The following VAV2 variants were observed in gnomAD, a reference collection of about 807,000 sequenced individuals.
The protein encoded by VAV2 is guanine nucleotide exchange factor VAV2.
VAV2 carries 67 observed loss-of-function variants against 132.5 expected under a neutral mutation model. The ratio of observed to expected loss-of-function variants is 0.51; its 90% confidence interval spans 0.42 to 0.62. The LOEUF is 0.62. Ranked by LOEUF, VAV2 falls within the 20% of genes least tolerant of loss-of-function variation. The pLI, the probability that VAV2 is intolerant of heterozygous loss-of-function variation, is 0.00. For synonymous variants in VAV2, 492 were observed against 443.5 expected (o/e 1.11, Z -1.37); for missense variants, 938 against 1,153.6 (o/e 0.81, Z 2.71).
Position 133,785,796 on chromosome 9 carries a change from C to T in VAV2, c.1512G>A (p.Met504Ile), listed in dbSNP as rs768234718. The T allele has an allele frequency of 5.6e-6, 9 of 1,613,872 alleles. No homozygotes were observed. Among genetic ancestry groups the T allele is most frequent in the African/African-American group, 4.0e-5 (3 of 74,936 alleles). The change falls in exon 17 of 30, where the codon ATG (methionine) becomes ATA (isoleucine). Residue 504 changes from methionine to isoleucine, a missense_variant. Physicochemically the swap from Met to Ile is conservative, Grantham distance 10. Transcript: ENST00000371850. Reference protein sequence around the residue: ...CKTEDMKRKWMEQFEMAMSNI... With the variant: ...CKTEDMKRKWIEQFEMAMSNI... The stretch of plus-strand genomic sequence containing the variant: ...CTCACATGGCCATCTCAAACTGCTC[C>T]ATCCACTTCCTCTTCATATCTTCTG...
intron 2 of VAV2, among the ~76,000 whole-genome samples, chr9:133,915,743 T>TA (rs1840056208): frequency 4.4e-5 from 4 of 91,284 alleles, no homozygotes; most frequent in South Asian, 3.6e-4. Context: ...AACGCACACA[T>TA]ACACACACGA....
chr9:133,763,245 C>A lies in VAV2; in HGVS notation c.*817G>T, dbSNP rs2131551326. 1 of 152,346 alleles carries A rather than the reference C, an allele frequency of 6.6e-6. No individual in the cohort carries two copies. Among genetic ancestry groups the A allele is most frequent in the Middle Eastern group, 3.4e-3 (1 of 296 alleles). 9.4% of individuals were successfully genotyped at this position (152,346 alleles called of 1,614,324 possible). A position where few individuals can be genotyped will look rare whatever the true frequency, so the allele number is the denominator to read the frequency against. ...TTCCCTGCCCATTTCAGGGTTTTTA[C>A]AAAAGATGTACTGATCTGGCAGCGC... On this transcript the variant is annotated 3_prime_UTR_variant, in exon 30 of 30. Transcript: ENST00000371850. This position sits in a 1 kb window ranked among gnomAD's most constrained non-coding sequence, Gnocchi z 6.8.
chr9:133,937,473 A>G (rs2810523), intron 2 of VAV2, among the ~76,000 whole-genome samples: 95,134 of 149,888 alleles, frequency 0.63, 31,251 homozygotes, highest in Middle Eastern at 0.77. Flanking sequence ...GAGTGTGAAC[A>G]TGTGTGGGGT....
intron 19 of VAV2, among the ~76,000 whole-genome samples, chr9:133,781,116 C>G (rs909628133): frequency 4.2e-4 from 54 of 127,776 alleles, no homozygotes; most frequent in African/African-American, 1.2e-3. Flanking sequence ...GATGAGGAAG[C>G]ATTGGTATGC....
chr9:133,799,309 C>T (rs1022824259), intron 9 of VAV2, among the ~76,000 whole-genome samples: 1 of 152,232 alleles, frequency 6.6e-6, no homozygotes, highest in Non-Finnish European at 1.5e-5. Context: ...CCAGGGCCGC[C>T]AGAGGCCCTG....
chr9:133,984,916 A>AG, intron 1 of VAV2, among the ~76,000 whole-genome samples: 1 of 152,028 alleles, frequency 6.6e-6, no homozygotes, highest in African/African-American at 2.4e-5. Context: ...TCAAAAAAAA[A>AG]AAAAAGCATA....
At chr9:133,950,097 G>A (rs1279702220) in intron 1 of VAV2, among the ~76,000 whole-genome samples, 1 of 152,178 alleles carries the variant, frequency 6.6e-6, no homozygotes, top group African/African-American at 2.4e-5. Flanking sequence ...GGTTCTCAAA[G>A]GCTGAAAAGT....
At chr9:133,902,195 T>G (rs1008475036) in intron 2 of VAV2, among the ~76,000 whole-genome samples, 12 of 152,174 alleles carry the variant, frequency 7.9e-5, no homozygotes, top group Admixed American at 2.6e-4. Flanking sequence ...CTTCATTGTC[T>G]ATACACTGGG....
Position 133,771,949 on chromosome 9 carries a change from A to G in VAV2, c.2223+10T>C. On this transcript the variant is annotated intron_variant, in intron 26 of 29. Transcript: ENST00000371850. ...GGGGTGGGAGCCGGCCGGAGCCAGA[A>G]GTCACCTACCAGGAGGCTGTCGAAT... The G allele has an allele frequency of 6.3e-7, 1 of 1,588,984 alleles. No individual in the cohort carries two copies. The highest frequency in any genetic ancestry group is 8.6e-7 in the Non-Finnish European group (1 of 1,163,538).
At chr9:133,897,654 A>G (rs1839266849) in intron 2 of VAV2, among the ~76,000 whole-genome samples, 1 of 152,144 alleles carries the variant, frequency 6.6e-6, no homozygotes, top group African/African-American at 2.4e-5. Flanking sequence ...TGTGGCTCTA[A>G]GCCCTCCATT....
chr9:133,880,416 TG>T (rs1838445541), intron 2 of VAV2, among the ~76,000 whole-genome samples: 1 of 152,284 alleles, frequency 6.6e-6, no homozygotes, highest in South Asian at 2.1e-4. Flanking sequence ...GGGGCAGCCA[TG>T]GGGAACTCCC....
Position 133,901,124 on chromosome 9 carries a change from C to A in VAV2, c.321+37979G>T, listed in dbSNP as rs188429608. On this transcript the variant is annotated intron_variant, in intron 2 of 29. Transcript: ENST00000371850. ...CTCTCCTGTCTGATTTTCCAGTGAA[C>A]CTTAAGGGGGCCAAGGGCCTTAGCC... Among the ~76,000 whole-genome samples, 11 of 152,174 alleles carry A rather than the reference C, an allele frequency of 7.2e-5. No homozygotes were observed. The East Asian group carries it at 1.9e-3, about 27-fold the overall frequency.
Position 133,778,866 on chromosome 9 carries a change from T to A in VAV2, c.1786A>T (p.Asn596Tyr). The change falls in exon 22 of 30, where the codon AAT (asparagine) becomes TAT (tyrosine). Residue 596 changes from asparagine to tyrosine, a missense_variant. Asn to Tyr is a moderately radical substitution (Grantham distance 143, BLOSUM62 -2). Transcript: ENST00000371850. ...GPGPKMVAMQ[N>Y]YHGNPAPPGK... ...GGAGGGGCTGGGTTGCCATGGTAAT[T>A]CTGCATGGCCACCATCTTGGGACCT... 6.2e-7 allele frequency: 1 copy of A among 1,612,786 alleles called. No homozygotes were observed. The highest frequency in any genetic ancestry group is 1.7e-5 in the Admixed American group (1 of 60,008).
At chr9:133,927,372 T>C (rs115799797) in intron 2 of VAV2, among the ~76,000 whole-genome samples, 58 of 152,252 alleles carry the variant, frequency 3.8e-4, no homozygotes, top group African/African-American at 1.4e-3. Flanking sequence ...CTACCTCCAC[T>C]GATGTAGTAG....
chr9:133,778,737 G>A (rs140419798), intron 22 of VAV2, 25 bp downstream of exon 22: 42 of 1,609,882 alleles, frequency 2.6e-5, no homozygotes, highest in South Asian at 1.1e-4. Flanking sequence ...GGGGACCCTC[G>A]ACCCTCCCGG....
intron 2 of VAV2, among the ~76,000 whole-genome samples, chr9:133,871,646 C>G (rs1268588242): frequency 1.3e-5 from 2 of 152,148 alleles, no homozygotes; most frequent in Non-Finnish European, 2.9e-5. Context: ...CCCTAATACA[C>G]CCTTGACAAT....
At chr9:133,839,002 AGATG>A (rs1471750266) in intron 3 of VAV2, among the ~76,000 whole-genome samples, 1 of 111,250 alleles carries the variant, frequency 9.0e-6, no homozygotes, top group African/African-American at 3.6e-5. Context: ...ATGGGTGGGT[AGATG>A]GATGGATGGG....
intron 4 of VAV2, among the ~76,000 whole-genome samples, chr9:133,820,419 G>A (rs1564377841): frequency 6.6e-6 from 1 of 151,912 alleles, no homozygotes; most frequent in Non-Finnish European, 1.5e-5. Flanking sequence ...TGCCTCCGGG[G>A]TTCACGCCTT....
chr9:133,853,732 G>A lies in VAV2; in HGVS notation c.380+7642C>T, dbSNP rs375635604. Among the ~76,000 whole-genome samples the A allele has an allele frequency of 8.5e-5, 13 of 152,208 alleles. No homozygotes were observed. In the East Asian group the frequency reaches 1.9e-3, roughly 23 times the overall value. ...AACCAAAAGAAACCAAGCCAGGCCTGAGTGCCCTGGGCTCTCCCTCCCCAT... is the reference window on the plus strand; with the variant it reads ...AACCAAAAGAAACCAAGCCAGGCCTAAGTGCCCTGGGCTCTCCCTCCCCAT... On this transcript the variant is annotated intron_variant, in intron 3 of 29. Transcript: ENST00000371850.
Sources: gnomAD v4.1 joint callset for allele counts (sites outside exome capture counted in the v4.1 genomes callset) on GRCh38, gnomAD v4.1.1 for gene constraint, Gnocchi (gnomAD v3.1) non-coding constraint, MANE v1.5 for transcripts, NCBI Gene and HGNC (gene_info 2026-07-23, HGNC 2026-07-21) for gene names.